Variants in CPVL observed in about 807,000 individuals in gnomAD.
CPVL encodes the protein carboxypeptidase vitellogenic like, also known as probable serine carboxypeptidase CPVL.
In CPVL, 51 loss-of-function variants were observed where a neutral mutation model predicts 63.7. The ratio of observed to expected loss-of-function variants is 0.80; its 90% CI spans 0.64 to 1.01. The LOEUF is 1.01. CPVL is among the 50% of genes least tolerant of loss of function. The pLI is 0.00. For missense variants in CPVL, 530 were observed against 573.1 expected, an observed-to-expected ratio of 0.92 and a Z score of 0.77; for synonymous variants, 195 against 206.0, an observed-to-expected ratio of 0.95 and a Z score of 0.46.
At chr7:29,014,262 G>T (rs575945246) in intron 12 of CPVL, among the ~76,000 whole-genome samples, 14 of 152,318 alleles carry the variant, frequency 9.2e-5, no homozygotes, top group African/African-American at 3.1e-4. Context: ...ATTGTAGAAG[G>T]CGACTGCTGG....
chr7:29,173,969 T>C (rs994383057), intron 5 of CPVL, among the ~76,000 whole-genome samples: 11 of 151,876 alleles, frequency 7.2e-5, no homozygotes, highest in Non-Finnish European at 1.2e-4. Flanking sequence ...AAAAAGAATT[T>C]CTAAAGACTG....
At chr7:29,097,349 G>A (rs1016661699) in intron 3 of CPVL, among the ~76,000 whole-genome samples, 4 of 152,198 alleles carry the variant, frequency 2.6e-5, no homozygotes, top group African/African-American at 4.8e-5. Context: ...AGAAGAAAAC[G>A]CATGTCCTCT....
intron 7 of CPVL, among the ~76,000 whole-genome samples, chr7:29,077,268 C>T (rs1784328323): frequency 6.6e-6 from 1 of 151,738 alleles, no homozygotes; most frequent in Non-Finnish European, 1.5e-5. Context: ...TTCAGCTACT[C>T]TCAGTTGACT....
intron 1 of CPVL, among the ~76,000 whole-genome samples, chr7:29,129,283 C>T (rs1468361495): frequency 1.3e-5 from 2 of 152,020 alleles, no homozygotes; most frequent in Non-Finnish European, 2.9e-5. Flanking sequence ...GACATAATGG[C>T]TAAGGGAAAG....
At chr7:29,065,351 T>G (rs1388019823) in intron 10 of CPVL, among the ~76,000 whole-genome samples, 1 of 152,212 alleles carries the variant, frequency 6.6e-6, no homozygotes, top group Non-Finnish European at 1.5e-5. Flanking sequence ...TATACTTTAT[T>G]TACAAACTAG....
chr7:29,058,055 C>A (rs1436272503), intron 11 of CPVL, among the ~76,000 whole-genome samples: 1 of 152,090 alleles, frequency 6.6e-6, no homozygotes. Context: ...TCCTTATCTA[C>A]AAAATGTTAC....
chr7:29,065,121 TAA>T (rs5883186), intron 10 of CPVL, among the ~76,000 whole-genome samples: 74,110 of 151,122 alleles, frequency 0.49, 19,812 homozygotes, highest in Middle Eastern at 0.61. Context: ...GTAAATGCTT[TAA>T]AAAAAAAACA....
intron 3 of CPVL, among the ~76,000 whole-genome samples, chr7:29,096,809 C>G (rs1786451313): frequency 6.6e-6 from 1 of 151,972 alleles, no homozygotes; most frequent in Non-Finnish European, 1.5e-5. Flanking sequence ...CATAGTGAAA[C>G]CCTGTCTCTA....
chr7:29,182,273 G>A (rs1205190073), intron 4 of CPVL, among the ~76,000 whole-genome samples: 6 of 152,240 alleles, frequency 3.9e-5, no homozygotes, highest in African/African-American at 1.4e-4. Flanking sequence ...GGTTAGCAGT[G>A]GTGGAATCTT....
At position 29,137,985 on chromosome 7, in the gene CPVL, G is replaced by T. The variant is rs575771363; in HGVS notation, c.-11+8444C>A. Among the ~76,000 whole-genome samples the T allele has an allele frequency of 2.6e-5, 4 of 152,288 alleles. No homozygotes were observed. The South Asian group carries it at 8.3e-4, about 32-fold the overall frequency. On this transcript the variant is annotated intron_variant, in intron 1 of 12. Coordinates refer to ENST00000265394, the MANE Select transcript of CPVL (RefSeq NM_031311.5). Reference sequence around the variant, plus strand: ...TGAAGGGCTTGATAATTTGAAAAGAGTACTATGAACATCAATGTAAGGATG... The same window carrying T: ...TGAAGGGCTTGATAATTTGAAAAGATTACTATGAACATCAATGTAAGGATG...
At chr7:29,111,976 C>T (rs998804326) in intron 3 of CPVL, among the ~76,000 whole-genome samples, 29 of 152,170 alleles carry the variant, frequency 1.9e-4, no homozygotes, top group African/African-American at 5.3e-4. Flanking sequence ...CAGCAATACC[C>T]GCAACAGCAC....
intron 11 of CPVL, among the ~76,000 whole-genome samples, chr7:29,031,975 T>C (rs538807216): frequency 1.3e-5 from 2 of 152,308 alleles, no homozygotes; most frequent in East Asian, 3.9e-4. Context: ...GGTGGAAATC[T>C]GAGTAATATA....
At chr7:29,187,345 C>CTG (rs35253523) in intron 1 of CPVL, among the ~76,000 whole-genome samples, 13,660 of 149,198 alleles carry the variant, frequency 0.092, 803 homozygotes, top group East Asian at 0.2. Context: ...GTTTGTGTGT[C>CTG]TGTGTGTGTG....
At chr7:29,135,298 A>G (rs1274106600) in intron 1 of CPVL, among the ~76,000 whole-genome samples, 1 of 152,118 alleles carries the variant, frequency 6.6e-6, no homozygotes, top group African/African-American at 2.4e-5. Context: ...AGAGAATGGT[A>G]TCACATAAAA....
chr7:29,087,200 C>T (rs140562097), intron 6 of CPVL, among the ~76,000 whole-genome samples: 1,581 of 151,964 alleles, frequency 0.01, 25 homozygotes, highest in African/African-American at 0.036. Context: ...CTAAGGTGGG[C>T]GGATAACGAG....
chr7:29,147,029 C>A, upstream of CPVL: 7 of 1,544,410 alleles, frequency 4.5e-6, no homozygotes, highest in Non-Finnish European at 6.1e-6. Flanking sequence ...AGTCTCAGAG[C>A]CACCTGATGT....
chr7:29,194,568 G>A, intron 1 of CPVL: 1 of 199,018 alleles, frequency 5.0e-6, no homozygotes, highest in Non-Finnish European at 1.0e-5. Flanking sequence ...GGGGCGGCTC[G>A]GAGCTGCCAG....
At chr7:29,104,931 T>C (rs950209675) in intron 3 of CPVL, among the ~76,000 whole-genome samples, 2 of 152,176 alleles carry the variant, frequency 1.3e-5, no homozygotes, top group Non-Finnish European at 2.9e-5. Flanking sequence ...TACCTATACC[T>C]ATGGGTGGTG....
chr7:29,179,903 T>C (rs536978447), intron 5 of CPVL, among the ~76,000 whole-genome samples: 5 of 152,200 alleles, frequency 3.3e-5, no homozygotes, highest in Non-Finnish European at 7.3e-5. Flanking sequence ...AAAAATCTGG[T>C]CACTGTTATT....
Sources: gnomAD v4.1 joint callset for allele counts (sites outside exome capture counted in the v4.1 genomes callset) on GRCh38, gnomAD v4.1.1 for gene constraint, MANE v1.5 for transcripts, NCBI Gene and HGNC (gene_info 2026-07-23, HGNC 2026-07-21) for gene names.